Variants in ADAMTS17 observed in about 807,000 individuals in gnomAD.
ADAMTS17 encodes the protein ADAM metallopeptidase with thrombospondin type 1 motif 17, also known as A disintegrin and metalloproteinase with thrombospondin motifs 17.
In ADAMTS17, 113 loss-of-function variants were observed where a neutral mutation model predicts 141.5. The observed-to-expected ratio is 0.80, with a 90% CI of 0.69 to 0.93. ADAMTS17 has a LOEUF of 0.93. Ranked by LOEUF, ADAMTS17 falls within the 40% of genes least tolerant of loss-of-function variation. The pLI is 0.00. For missense variants in ADAMTS17, 1,659 were observed against 1,517.9 expected (o/e 1.09, Z -1.54); for synonymous variants, 768 against 630.6 (o/e 1.22, Z -3.27).
intron 15 of ADAMTS17, among the ~76,000 whole-genome samples, chr15:100,059,166 G>A (rs1030715789): frequency 1.3e-5 from 2 of 152,198 alleles, no homozygotes; most frequent in African/African-American, 2.4e-5. Flanking sequence ...GTCTGGAGCC[G>A]ATGAGTTGGA....
intron 3 of ADAMTS17, among the ~76,000 whole-genome samples, chr15:100,283,223 C>T (rs757687553): frequency 1.5e-4 from 23 of 152,192 alleles, no homozygotes; most frequent in Non-Finnish European, 2.8e-4. Context: ...GAGCCAGGCC[C>T]ATCTCCCCTG....
intron 17 of ADAMTS17, among the ~76,000 whole-genome samples, 188 bp downstream of exon 17, chr15:100,051,384 A>C (rs1429188460): frequency 1.3e-5 from 2 of 152,088 alleles, no homozygotes; most frequent in Non-Finnish European, 2.9e-5. Flanking sequence ...TATGGGCATG[A>C]CCCTAGTGTG....
intron 18 of ADAMTS17, among the ~76,000 whole-genome samples, chr15:100,045,255 A>C (rs1254487096): frequency 1.3e-5 from 2 of 152,178 alleles, no homozygotes; most frequent in Non-Finnish European, 2.9e-5. Flanking sequence ...GATATTTTAT[A>C]ATCTTAAATA....
At chr15:100,322,791 A>G (rs1378319865) in intron 3 of ADAMTS17, among the ~76,000 whole-genome samples, 1 of 152,232 alleles carries the variant, frequency 6.6e-6, no homozygotes, top group Non-Finnish European at 1.5e-5. Context: ...ATTGTTATAC[A>G]CAGAATTATA....
chr15:100,162,346 T>C (rs770021582), intron 8 of ADAMTS17, among the ~76,000 whole-genome samples: 22 of 148,860 alleles, frequency 1.5e-4, no homozygotes, highest in African/African-American at 4.9e-4. Context: ...CTGTCCTATA[T>C]ACCTATATAT....
chr15:100,232,315 G>T (rs1367533579), intron 7 of ADAMTS17, among the ~76,000 whole-genome samples: 1 of 152,200 alleles, frequency 6.6e-6, no homozygotes. Context: ...GCTTCCCCCT[G>T]CCAGCACCTC....
At chr15:100,332,302 G>A (rs903184454) in intron 2 of ADAMTS17, among the ~76,000 whole-genome samples, 49 of 152,242 alleles carry the variant, frequency 3.2e-4, no homozygotes, top group African/African-American at 1.1e-3. Flanking sequence ...GGAAGACGGT[G>A]GCCACAGTGG....
intron 15 of ADAMTS17, among the ~76,000 whole-genome samples, chr15:100,084,632 C>T (rs918723607): frequency 6.6e-6 from 1 of 152,170 alleles, no homozygotes; most frequent in Non-Finnish European, 1.5e-5. Context: ...CTGGGTACTC[C>T]TCCAAGACAG....
At chr15:100,054,763 A>G (rs2032428127) in intron 15 of ADAMTS17, among the ~76,000 whole-genome samples, 1 of 152,188 alleles carries the variant, frequency 6.6e-6, no homozygotes, top group Non-Finnish European at 1.5e-5. Context: ...TCAGGTTCTC[A>G]CGTTTGCTCA....
At chr15:100,121,038 A>G (rs994679918) in intron 12 of ADAMTS17, among the ~76,000 whole-genome samples, 2 of 152,258 alleles carry the variant, frequency 1.3e-5, no homozygotes. Context: ...AAGAAAACAA[A>G]GATAAATTTT....
In ADAMTS17 at chr15:100,132,218, G is replaced by A. The variant is rs538590737; in HGVS notation, c.1576-66C>T. 4.6e-5 allele frequency: 72 copies of A among 1,568,778 alleles called. No individual in the cohort carries two copies. In the Admixed American group the frequency reaches 9.7e-4, roughly 21 times the overall value. On this transcript the variant is annotated intron_variant, in intron 11 of 21. Transcript: ENST00000268070. ...AGAGCTGCTCACTCCAGCCCGCCAGGCCCCAAAATGCCGTGCTGCCAAAAA... is the reference window on the plus strand; with the variant it reads ...AGAGCTGCTCACTCCAGCCCGCCAGACCCCAAAATGCCGTGCTGCCAAAAA...
rs117762089 is a variant in ADAMTS17, at chr15:100,053,786, C to T, written c.2295+111G>A. On this transcript the variant is annotated intron_variant, in intron 16 of 21. Transcript: ENST00000268070. ...GGGGACGGCATAAACCCCTGGAAGC[C>T]AGATGCATTTCCTGCCCCCGAGGTC... 11,658 of 1,527,838 alleles carry T rather than the reference C, an allele frequency of 7.6e-3. 77 individuals are homozygous for T. Among genetic ancestry groups the T allele is most frequent in the Non-Finnish European group, 8.9e-3 (9,829 of 1,104,260 alleles). 94.6% of individuals were successfully genotyped at this position (1,527,838 alleles called of 1,614,324 possible). A position where few individuals can be genotyped will look rare whatever the true frequency, so the allele number is the denominator to read the frequency against.
intron 10 of ADAMTS17, among the ~76,000 whole-genome samples, chr15:100,147,134 T>C (rs1322732267): frequency 6.6e-6 from 1 of 152,136 alleles, no homozygotes; most frequent in African/African-American, 2.4e-5. Flanking sequence ...AATAAAAACT[T>C]GCTGGTTTTG....
intron 18 of ADAMTS17, among the ~76,000 whole-genome samples, chr15:100,026,906 C>A (rs983492358): frequency 2.0e-5 from 3 of 152,226 alleles, no homozygotes; most frequent in Admixed American, 1.3e-4. Context: ...AATTTACACT[C>A]ACACCAGCAA....
At chr15:100,221,805 C>T (rs1006357144) in intron 7 of ADAMTS17, among the ~76,000 whole-genome samples, 4 of 152,216 alleles carry the variant, frequency 2.6e-5, no homozygotes, top group African/African-American at 7.2e-5. Context: ...CCAAGAACTT[C>T]TGCTCCTCTT....
At chr15:100,163,346 G>C (rs894266225) in intron 8 of ADAMTS17, among the ~76,000 whole-genome samples, 1 of 152,134 alleles carries the variant, frequency 6.6e-6, no homozygotes, top group African/African-American at 2.4e-5. Flanking sequence ...GTGAGATAAA[G>C]CCATGTATCC....
intron 10 of ADAMTS17, among the ~76,000 whole-genome samples, chr15:100,139,300 T>G (rs1372048212): frequency 5.9e-5 from 9 of 152,182 alleles, no homozygotes; most frequent in Admixed American, 5.9e-4. Context: ...AATGATTTTC[T>G]AAGAATGTGT....
At chr15:100,272,352 T>C (rs1402470970) in intron 4 of ADAMTS17, among the ~76,000 whole-genome samples, 3 of 152,286 alleles carry the variant, frequency 2.0e-5, no homozygotes, top group South Asian at 4.1e-4. Context: ...TTTCCATTTA[T>C]GTCTTCTTTA....
At chr15:100,155,954 T>G (rs1046919649) in intron 8 of ADAMTS17, among the ~76,000 whole-genome samples, 2 of 151,780 alleles carry the variant, frequency 1.3e-5, no homozygotes, top group African/African-American at 4.9e-5. Flanking sequence ...CTCACTGGGG[T>G]GAGCCAAGAC....
Sources: allele counts gnomAD v4.1 joint callset (sites outside exome capture counted in the v4.1 genomes callset), GRCh38; gene constraint gnomAD v4.1.1; transcripts MANE v1.5; gene names NCBI Gene and HGNC (gene_info 2026-07-23, HGNC 2026-07-21).